SLC23A2: variants seen among roughly 807,000 people sequenced by gnomAD.
SLC23A2 encodes Na(+)/L-ascorbic acid transporter 2.
In SLC23A2, 36 loss-of-function variants were observed where a neutral mutation model predicts 73.3. The ratio of observed to expected loss-of-function variants is 0.49; its 90% CI spans 0.38 to 0.65. The LOEUF (loss-of-function observed/expected upper bound fraction) is 0.65. Ranked by LOEUF, SLC23A2 falls within the 30% of genes least tolerant of loss-of-function variation. The pLI is 0.00. For synonymous variants in SLC23A2, 343 were observed against 327.3 expected, an observed-to-expected ratio of 1.05 and a Z score of -0.52; for missense variants, 507 against 841.6, an observed-to-expected ratio of 0.60 and a Z score of 4.92.
upstream of SLC23A2, among the ~76,000 whole-genome samples, chr20:5,003,357 C>G (rs2088154322): frequency 6.6e-6 from 1 of 152,118 alleles, no homozygotes; most frequent in Non-Finnish European, 1.5e-5. Context: ...GCACTCCAGC[C>G]TGGGCGACAG....
intron 13 of SLC23A2, among the ~76,000 whole-genome samples, chr20:4,867,431 A>G (rs1930247834): frequency 6.6e-6 from 1 of 152,192 alleles, no homozygotes; most frequent in Non-Finnish European, 1.5e-5. Flanking sequence ...TGGACTTAGT[A>G]TGCTGATTGT....
At chr20:4,938,361 A>G (rs1188160108) in intron 2 of SLC23A2, among the ~76,000 whole-genome samples, 1 of 138,756 alleles carries the variant, frequency 7.2e-6, no homozygotes, top group African/African-American at 2.8e-5. Flanking sequence ...TTTTTGAGAC[A>G]GAGTTTCACT....
In SLC23A2 at chr20:4,933,019, T is replaced by C. The variant is rs774563078; in HGVS notation, c.-154-303A>G. ...TGATATGCATATGGTTTATATCTCA[T>C]AACCCAGCACTACCTAATAGAACTT... On this transcript the variant is annotated intron_variant, in intron 2 of 16. Coordinates refer to ENST00000338244, the MANE Select transcript of SLC23A2 (RefSeq NM_005116.6). 2.8e-4 allele frequency among the ~76,000 whole-genome samples: 43 copies of C among 152,172 alleles called. 1 individual carries two copies. Among genetic ancestry groups the C allele is most frequent in the Admixed American group, 5.9e-4 (9 of 15,276 alleles).
intron 3 of SLC23A2, among the ~76,000 whole-genome samples, chr20:4,929,230 C>T (rs954622719): frequency 2.0e-5 from 3 of 150,870 alleles, no homozygotes; most frequent in Non-Finnish European, 4.4e-5. Flanking sequence ...TGCTCCACTG[C>T]ACTCCAGCCT....
At chr20:4,864,180 G>A (rs1218625564) in intron 13 of SLC23A2, among the ~76,000 whole-genome samples, 1 of 152,224 alleles carries the variant, frequency 6.6e-6, no homozygotes, top group East Asian at 1.9e-4. Context: ...AAGGATTTAT[G>A]TATGACCCCA....
intron 2 of SLC23A2, among the ~76,000 whole-genome samples, chr20:4,945,179 G>C (rs1287267599): frequency 6.6e-6 from 1 of 152,102 alleles, no homozygotes; most frequent in Non-Finnish European, 1.5e-5. Flanking sequence ...CTTGTAAGCA[G>C]TGGTGATTAT....
At chr20:4,964,570 T>C (rs999523409) in intron 2 of SLC23A2, among the ~76,000 whole-genome samples, 11 of 152,176 alleles carry the variant, frequency 7.2e-5, no homozygotes, top group African/African-American at 2.7e-4. Flanking sequence ...CATGGGTGAC[T>C]GACGTGGCAA....
chr20:4,957,931 G>C (rs2087318743), intron 2 of SLC23A2, among the ~76,000 whole-genome samples: 2 of 151,824 alleles, frequency 1.3e-5, no homozygotes. Flanking sequence ...TATTAAATTG[G>C]CTTCTTTGGC....
chr20:4,866,052 C>T (rs1023606571), intron 13 of SLC23A2, among the ~76,000 whole-genome samples: 10 of 152,054 alleles, frequency 6.6e-5, no homozygotes, highest in South Asian at 2.1e-4. Flanking sequence ...AGGCTGGTCT[C>T]GAACTCCTGA....
intron 2 of SLC23A2, among the ~76,000 whole-genome samples, chr20:4,940,484 T>A (rs7269939): frequency 0.024 from 3,549 of 148,930 alleles, 145 homozygotes; most frequent in African/African-American, 0.083. Context: ...AAAACTGATG[T>A]ACATATGATA....
At chr20:5,009,589 A>T (rs1458319593) in intron 1 of SLC23A2, among the ~76,000 whole-genome samples, 1 of 152,202 alleles carries the variant, frequency 6.6e-6, no homozygotes, top group Non-Finnish European at 1.5e-5. Context: ...CCTACCACAC[A>T]GTAAGTTCTC....
chr20:4,991,765 A>G (rs958688160), intron 1 of SLC23A2, among the ~76,000 whole-genome samples: 1 of 134,198 alleles, frequency 7.5e-6, no homozygotes, highest in East Asian at 2.2e-4. Flanking sequence ...CACACACACA[A>G]AAGTAATCTA....
At chr20:4,948,254 A>C (rs565905170) in intron 2 of SLC23A2, among the ~76,000 whole-genome samples, 43 of 152,336 alleles carry the variant, frequency 2.8e-4, no homozygotes, top group African/African-American at 9.9e-4. Flanking sequence ...CTGCAGAGAA[A>C]GATCCAGCTC....
At chr20:4,884,331 G>A (rs930169964) in intron 8 of SLC23A2, among the ~76,000 whole-genome samples, 6 of 152,230 alleles carry the variant, frequency 3.9e-5, no homozygotes, top group South Asian at 2.1e-4. Flanking sequence ...ACTGTCAGCC[G>A]TACTTCATGT....
At chr20:4,889,719 C>T (rs1465597185) in intron 6 of SLC23A2, among the ~76,000 whole-genome samples, 3 of 151,916 alleles carry the variant, frequency 2.0e-5, no homozygotes, top group Non-Finnish European at 4.4e-5. Flanking sequence ...AACCTTGAGG[C>T]GGGCATCCCC....
At chr20:5,004,257 C>T (rs2088165820), upstream of SLC23A2, among the ~76,000 whole-genome samples, 1 of 152,118 alleles carries the variant, frequency 6.6e-6, no homozygotes, top group Admixed American at 6.6e-5. Flanking sequence ...TATCTGAGTT[C>T]TCTCATTTTG....
chr20:4,974,602 T>A (rs1014284565), intron 1 of SLC23A2, among the ~76,000 whole-genome samples: 10 of 152,184 alleles, frequency 6.6e-5, no homozygotes, highest in Non-Finnish European at 7.3e-5. Flanking sequence ...CACTACATAT[T>A]CTTCATGCTT....
intron 1 of SLC23A2, among the ~76,000 whole-genome samples, chr20:4,983,479 T>C (rs2087763143): frequency 7.3e-6 from 1 of 136,238 alleles, no homozygotes. Flanking sequence ...ACCCCGTCTC[T>C]ACTAAAAATA....
intron 1 of SLC23A2, among the ~76,000 whole-genome samples, chr20:4,989,236 C>CAA (rs138535169): frequency 1.7e-3 from 126 of 72,894 alleles, no homozygotes; most frequent in South Asian, 0.014. Context: ...GACCCCGTCT[C>CAA]AAAAAAAAAA....
Sources: gnomAD v4.1 joint callset for allele counts (sites outside exome capture counted in the v4.1 genomes callset) on GRCh38, gnomAD v4.1.1 for gene constraint, MANE v1.5 for transcripts, NCBI Gene and HGNC (gene_info 2026-07-23, HGNC 2026-07-21) for gene names.